Variants in SYT7 observed in about 807,000 individuals in gnomAD.
The protein encoded by SYT7 is synaptotagmin-7.
SYT7 carries 29 observed loss-of-function variants against 75.1 expected under a neutral mutation model. That is an observed-to-expected ratio of 0.39 (90% CI 0.29 to 0.53). SYT7 has a LOEUF of 0.53. Among genes scored for constraint, SYT7 ranks in the 20% least tolerant of loss-of-function variants. SYT7 has a pLI of 0.77. For missense variants in SYT7, 693 were observed against 953.2 expected, an observed-to-expected ratio of 0.73 and a Z score of 3.59; for synonymous variants, 376 against 401.7, an observed-to-expected ratio of 0.94 and a Z score of 0.76.
chr11:61,570,773 G>C lies in SYT7; in HGVS notation c.31+10017C>G, dbSNP rs198747. ...ACTTGAACAAGCCCTGTCTTATGGC[G>C]TTAGAGTCTGGTTTTTAGTCTTGGT... On this transcript the variant is annotated intron_variant, in intron 1 of 12. Transcript: ENST00000539008. Among the ~76,000 whole-genome samples the C allele has an allele frequency of 5.9e-5, 9 of 152,138 alleles. No homozygotes were observed. In the East Asian group the frequency reaches 1.7e-3, roughly 29 times the overall value.
intron 5 of SYT7, among the ~76,000 whole-genome samples, chr11:61,543,819 G>GC (rs2063113480): frequency 6.6e-6 from 1 of 152,246 alleles, no homozygotes; most frequent in African/African-American, 2.4e-5. Flanking sequence ...GAGCCAGGCT[G>GC]CCCCCAGGCA....
chr11:61,522,756 A>G (rs1046936425), intron 12 of SYT7, among the ~76,000 whole-genome samples: 8 of 152,130 alleles, frequency 5.3e-5, no homozygotes, highest in African/African-American at 1.9e-4. Flanking sequence ...TACTGCTCCA[A>G]CGTCATCATC....
chr11:61,524,117 G>A lies in SYT7; in HGVS notation c.1642-176C>T, dbSNP rs1041804205. Among the ~76,000 whole-genome samples, 3 of 152,074 alleles carry A rather than the reference G, an allele frequency of 2.0e-5. No individual in the cohort carries two copies. Among genetic ancestry groups the A allele is most frequent in the African/African-American group, 7.2e-5 (3 of 41,400 alleles). On this transcript the variant is annotated intron_variant, in intron 10 of 12. Transcript: ENST00000539008. The surrounding 1 kb of genome is among the most constrained non-coding windows in gnomAD (Gnocchi z 4.1). ...CAGGTGTGTGTACTGCCCCTCCCAG[G>A]GTCACCATCGCCTCCCTGTTCCCTG...
In SYT7 at chr11:61,524,498, G is replaced by A. The variant is rs146401168; in HGVS notation, c.1506C>T (p.Leu502=). 6 of 1,608,228 alleles carry A rather than the reference G, an allele frequency of 3.7e-6. No homozygotes were observed. The highest frequency in any genetic ancestry group is 5.1e-6 in the Non-Finnish European group (6 of 1,176,778). ...FPYEKVVQRI[L]YLQVLDYDRF... ...GGTCATAGTCCAGGACTTGGAGGTAGAGGATCCTCTGCACCACCTTCTCAT... is the reference window on the plus strand; with the variant it reads ...GGTCATAGTCCAGGACTTGGAGGTAAAGGATCCTCTGCACCACCTTCTCAT... The change falls in exon 10 of 13, where the codon CTC becomes CTT. Residue 502 remains leucine (L), a synonymous_variant. Coordinates refer to ENST00000539008, the MANE Select transcript of SYT7 (RefSeq NM_001365809.2). The surrounding 1 kb of genome is among the most constrained non-coding windows in gnomAD (Gnocchi z 4.1).
At chr11:61,547,371 T>C in intron 3 of SYT7, 63 bp from the exon 4 acceptor site, 1 of 1,523,214 alleles carries the variant, frequency 6.6e-7, no homozygotes, top group Non-Finnish European at 8.8e-7. Context: ...GAACTGCAAG[T>C]CCTGCGGGGG....
At position 61,517,839 on chromosome 11, in the gene SYT7, A is replaced by T; in HGVS notation, c.*788T>A. The T allele has an allele frequency of 3.6e-6, 1 of 279,762 alleles. No individual in the cohort carries two copies. Among genetic ancestry groups the T allele is most frequent in the Non-Finnish European group, 6.6e-6 (1 of 152,046 alleles). The allele number at this position is 279,762 out of a possible 1,614,324, so 17.3% of individuals were successfully genotyped here. ...CTGAGCAGAGGGGGGCACCAAGGGG[A>T]GAAGGGGAGGAGACGGGGGGATGGC... is the stretch of plus-strand genomic sequence containing the variant. On this transcript the variant is annotated 3_prime_UTR_variant, in exon 13 of 13. Coordinates refer to ENST00000539008, the MANE Select transcript of SYT7 (RefSeq NM_001365809.2).
At position 61,535,828 on chromosome 11, in the gene SYT7, A is replaced by G. The variant is rs574931628; in HGVS notation, c.1064+2316T>C. Among the ~76,000 whole-genome samples the G allele has an allele frequency of 3.9e-5, 6 of 152,194 alleles. 1 individual carries two copies. In the South Asian group the frequency reaches 1.2e-3, roughly 32 times the overall value. ...CCCTTCCTCCAGAGACATCTGGTCAAGGGGTCAGCTGGGGAGGGAAAGGTG... is the reference window on the plus strand; with the variant it reads ...CCCTTCCTCCAGAGACATCTGGTCAGGGGGTCAGCTGGGGAGGGAAAGGTG... On this transcript the variant is annotated intron_variant, in intron 7 of 12. Coordinates refer to ENST00000539008, the MANE Select transcript of SYT7 (RefSeq NM_001365809.2).
Position 61,553,048 on chromosome 11 carries a change from G to A in SYT7, c.136-1585C>T, listed in dbSNP as rs1410984717. ...CTGGAAGTGTCCCTTCTATGGCCCC[G>A]CCCACCCTGGAGTCTGGGCCCCCAG... On this transcript the variant is annotated intron_variant, in intron 2 of 12. Coordinates refer to ENST00000539008, the MANE Select transcript of SYT7 (RefSeq NM_001365809.2). The surrounding 1 kb of genome is among the most constrained non-coding windows in gnomAD (Gnocchi z 5.2). 2.6e-5 allele frequency among the ~76,000 whole-genome samples: 4 copies of A among 152,024 alleles called. No homozygotes were observed. Among genetic ancestry groups the A allele is most frequent in the South Asian group, 2.1e-4 (1 of 4,824 alleles).
chr11:61,572,918 T>C (rs1215422564), intron 1 of SYT7, among the ~76,000 whole-genome samples: 1 of 152,204 alleles, frequency 6.6e-6, no homozygotes, highest in African/African-American at 2.4e-5. Context: ...ATACACATCA[T>C]GTGTGCATAC....
intron 1 of SYT7, among the ~76,000 whole-genome samples, chr11:61,579,017 G>A (rs2064161448): frequency 6.6e-6 from 1 of 152,178 alleles, no homozygotes; most frequent in Non-Finnish European, 1.5e-5. Flanking sequence ...GCTGGCCTCC[G>A]TGGTGAGGGC....
At position 61,546,452 on chromosome 11, in the gene SYT7, A is replaced by C; in HGVS notation, c.348-197T>G. On this transcript the variant is annotated intron_variant, in intron 4 of 12. Transcript: ENST00000539008. This position sits in a 1 kb window ranked among gnomAD's most constrained non-coding sequence, Gnocchi z 7.6. The stretch of plus-strand genomic sequence containing the variant: ...GACAGACAGAGAGAGAGAGAGAGAC[A>C]TCAGCACTGCAAATGGGTTAACAGC... 7.6e-5 allele frequency: 39 copies of C among 515,258 alleles called. No homozygotes were observed. Among genetic ancestry groups the C allele is most frequent in the East Asian group, 3.0e-4 (8 of 26,500 alleles). 31.9% of individuals were successfully genotyped at this position (515,258 alleles called of 1,614,324 possible). A position where few individuals can be genotyped will look rare whatever the true frequency, so the allele number is the denominator to read the frequency against.
intron 1 of SYT7, among the ~76,000 whole-genome samples, chr11:61,559,842 C>T (rs951173302): frequency 1.3e-5 from 2 of 152,208 alleles, no homozygotes; most frequent in Non-Finnish European, 2.9e-5. Context: ...CAACAAAACA[C>T]CCATCTTAAG....
At chr11:61,541,333 G>A (rs1019122911) in intron 6 of SYT7, 60 of 983,998 alleles carry the variant, frequency 6.1e-5, no homozygotes, top group East Asian at 1.1e-4. Flanking sequence ...AAGGAGGGGG[G>A]TGATGTTGGG....
In SYT7 at chr11:61,534,389, A is replaced by G. The variant is rs1433781445; in HGVS notation, c.1065-1265T>C. Among the ~76,000 whole-genome samples the G allele has an allele frequency of 3.4e-5, 5 of 148,622 alleles. No individual in the cohort carries two copies. In the East Asian group the frequency reaches 9.7e-4, roughly 29 times the overall value. ...CGTGCGCACACACACACGCACATGC[A>G]TGCACACACATGTACACACGCACGC... is the stretch of plus-strand genomic sequence containing the variant. On this transcript the variant is annotated intron_variant, in intron 7 of 12. Coordinates refer to ENST00000539008, the MANE Select transcript of SYT7 (RefSeq NM_001365809.2).
At chr11:61,587,757 T>C in the SYT7 span, among the ~76,000 whole-genome samples, 1 of 152,236 alleles carries the variant, frequency 6.6e-6, no homozygotes, top group African/African-American at 2.4e-5. Flanking sequence ...AGTCTTTCTC[T>C]GCAACTTGGA....
chr11:61,579,484 C>A (rs2064181498), intron 1 of SYT7, among the ~76,000 whole-genome samples: 1 of 152,166 alleles, frequency 6.6e-6, no homozygotes, highest in South Asian at 2.1e-4. Context: ...AGGGCAGTGC[C>A]TGGCGCCCAG....
upstream of SYT7, among the ~76,000 whole-genome samples, chr11:61,581,776 A>T (rs1260129756): frequency 6.6e-6 from 1 of 152,134 alleles, no homozygotes; most frequent in African/African-American, 2.4e-5. Flanking sequence ...CTATCCCTCT[A>T]TAGCAGCAGC....
upstream of SYT7, among the ~76,000 whole-genome samples, chr11:61,584,355 A>G (rs905197687): frequency 1.3e-5 from 2 of 149,642 alleles, no homozygotes; most frequent in Non-Finnish European, 3.0e-5. Flanking sequence ...AGATTGTGCC[A>G]CTGCACTCCA....
chr11:61,524,351 A>C lies in SYT7; in HGVS notation c.1641+12T>G. 6.2e-7 allele frequency: 1 copy of C among 1,613,680 alleles called. No individual in the cohort carries two copies. The highest frequency in any genetic ancestry group is 8.5e-7 in the Non-Finnish European group (1 of 1,179,774). The stretch of plus-strand genomic sequence containing the variant: ...CTGCCTGTCCAGCTAAGACCCACCC[A>C]TGGGGCCTTACACTCCCATCGCTGC... On this transcript the variant is annotated intron_variant, in intron 10 of 12. Transcript: ENST00000539008. This position sits in a 1 kb window ranked among gnomAD's most constrained non-coding sequence, Gnocchi z 4.1.
Sources: gnomAD v4.1 joint callset for allele counts (sites outside exome capture counted in the v4.1 genomes callset) on GRCh38, gnomAD v4.1.1 for gene constraint, Gnocchi (gnomAD v3.1) non-coding constraint, MANE v1.5 for transcripts, NCBI Gene and HGNC (gene_info 2026-07-23, HGNC 2026-07-21) for gene names.